Variants in PCNX4 observed in about 807,000 individuals in gnomAD.
PCNX4 encodes pecanex 4, also known as pecanex-like protein 4.
PCNX4 carries 103 observed loss-of-function variants against 107.2 expected under a neutral mutation model. The observed-to-expected ratio is 0.96, with a 90% confidence interval of 0.82 to 1.13. The LOEUF (loss-of-function observed/expected upper bound fraction) is 1.13. Ranked by LOEUF, PCNX4 falls within the 50% of genes most tolerant of loss-of-function variation. The pLI is 0.00. For missense variants in PCNX4, 1,528 were observed against 1,379.4 expected (o/e 1.11, Z -1.71); for synonymous variants, 541 against 481.7 (o/e 1.12, Z -1.61).
Position 60,118,447 on chromosome 14 carries a change from G to A in PCNX4, c.1697G>A (p.Cys566Tyr), listed in dbSNP as rs998007163. ...CGTCGAAAAACAACTGCCACTTTAT[G>A]TATACTCAACATTGTCTTTTCTCCA... is the stretch of plus-strand genomic sequence containing the variant. ...KQRRKTTATL[C>Y]ILNIVFSPFV... The change falls in exon 7 of 11, where the codon TGT (cysteine) becomes TAT (tyrosine). Residue 566 changes from cysteine (C) to tyrosine (Y), a missense_variant. By Grantham distance (194) the Cys-to-Tyr change is radical. Transcript: ENST00000406854. The A allele has an allele frequency of 2.5e-6, 4 of 1,613,658 alleles. No individual in the cohort carries two copies. Among genetic ancestry groups the A allele is most frequent in the African/African-American group, 1.3e-5 (1 of 75,046 alleles).
chr14:60,122,093 C>T (rs1895966252), intron 8 of PCNX4, among the ~76,000 whole-genome samples: 7 of 152,134 alleles, frequency 4.6e-5, no homozygotes, highest in Admixed American at 3.9e-4. Context: ...ACGCCCAGTC[C>T]GACAAGAAAT....
chr14:60,120,666 C>T (rs925064406), intron 7 of PCNX4, among the ~76,000 whole-genome samples: 3 of 152,082 alleles, frequency 2.0e-5, no homozygotes, highest in South Asian at 2.1e-4. Flanking sequence ...AATGTATTTT[C>T]GACAGCAGTT....
chr14:60,122,061 C>T (rs73310167), intron 8 of PCNX4, among the ~76,000 whole-genome samples: 1,526 of 152,242 alleles, frequency 0.01, 22 homozygotes, highest in African/African-American at 0.035. Context: ...ATGTTTAACT[C>T]CTTTTTCACT....
chr14:60,139,038 G>A lies in PCNX4; in HGVS notation c.*4817G>A, dbSNP rs1896274424. The stretch of plus-strand genomic sequence containing the variant: ...ACTACAAAGCTAATACAGGGCTAAA[G>A]TGGAATAATAAGGCAAAAAGGTAGA... On this transcript the variant is annotated 3_prime_UTR_variant, in exon 11 of 11. Coordinates refer to ENST00000406854, the MANE Select transcript of PCNX4 (RefSeq NM_001330177.2). 6.6e-6 allele frequency: 1 copy of A among 152,004 alleles called. No homozygotes were observed. Among genetic ancestry groups the A allele is most frequent in the Non-Finnish European group, 1.5e-5 (1 of 67,938 alleles). 9.4% of individuals were successfully genotyped at this position (152,004 alleles called of 1,614,324 possible).
At chr14:60,110,534 C>T (rs551121557) in intron 2 of PCNX4, 2 of 167,226 alleles carry the variant, frequency 1.2e-5, no homozygotes, top group Admixed American at 6.5e-5. Context: ...TTTTGACTTC[C>T]TTGGGATCAT....
chr14:60,118,818 G>T (rs573850904), intron 7 of PCNX4, 126 bp downstream of exon 7: 2 of 1,053,302 alleles, frequency 1.9e-6, no homozygotes, highest in South Asian at 7.5e-5. Flanking sequence ...AATTTGATGT[G>T]TAGGCAGAAA....
chr14:60,130,374 C>T lies in PCNX4; in HGVS notation c.3268-3596C>T, dbSNP rs531969547. Among the ~76,000 whole-genome samples, 86 of 151,362 alleles carry T rather than the reference C, an allele frequency of 5.7e-4. 3 individuals carry two copies. In the Middle Eastern group the frequency reaches 0.021, roughly 37 times the overall value. On this transcript the variant is annotated intron_variant, in intron 10 of 10. Coordinates refer to ENST00000406854, the MANE Select transcript of PCNX4 (RefSeq NM_001330177.2). ...GATCATCTCGGTAGATATAAAAAAACTATTTAACAAAATCCCACACCCTTT... is the reference window on the plus strand; with the variant it reads ...GATCATCTCGGTAGATATAAAAAAATTATTTAACAAAATCCCACACCCTTT...
intron 10 of PCNX4, among the ~76,000 whole-genome samples, chr14:60,130,201 A>G (rs1896129531): frequency 2.0e-5 from 3 of 151,948 alleles, no homozygotes; most frequent in South Asian, 4.2e-4. Context: ...TTATCCATAC[A>G]TGGTGGTATG....
In PCNX4 at chr14:60,142,378, C is replaced by T. The variant is rs1421649123; in HGVS notation, c.*8157C>T. 1 of 152,158 alleles carries T rather than the reference C, an allele frequency of 6.6e-6. No individual in the cohort carries two copies. The allele number at this position is 152,158 out of a possible 1,614,324, so 9.4% of individuals were successfully genotyped here. On this transcript the variant is annotated 3_prime_UTR_variant, in exon 11 of 11. Coordinates refer to ENST00000406854, the MANE Select transcript of PCNX4 (RefSeq NM_001330177.2). This position sits in a 1 kb window ranked among gnomAD's most constrained non-coding sequence, Gnocchi z 4.7. Reference sequence around the variant, plus strand: ...CAGTAGTTGAGGAAACGAAAGCCGTCACTTCTGCTAACTCTTTTACCAACT... The same window carrying T: ...CAGTAGTTGAGGAAACGAAAGCCGTTACTTCTGCTAACTCTTTTACCAACT...
At chr14:60,127,505 G>T (rs539308599) in intron 10 of PCNX4, among the ~76,000 whole-genome samples, 1 of 152,324 alleles carries the variant, frequency 6.6e-6, no homozygotes, top group Admixed American at 6.5e-5. Flanking sequence ...TCACAGTTTG[G>T]CTGTACTCTA....
chr14:60,121,396 T>G, intron 8 of PCNX4, 97 bp downstream of exon 8: 1 of 1,275,604 alleles, frequency 7.8e-7, no homozygotes, highest in Non-Finnish European at 1.1e-6. Context: ...GAAAGAAGAA[T>G]ATCTTTTCAA....
intron 1 of PCNX4, among the ~76,000 whole-genome samples, chr14:60,106,235 G>A (rs1242733116): frequency 2.0e-5 from 3 of 152,042 alleles, no homozygotes; most frequent in Non-Finnish European, 4.4e-5. Flanking sequence ...CAAAATCCAA[G>A]GATGTTCAAG....
In PCNX4 at chr14:60,104,318, CAAAAAAAAAAAAAAA is replaced by C. The variant is rs200434027; in HGVS notation, c.-53-3253_-53-3239del. On this transcript the variant is annotated intron_variant, in intron 1 of 10. Coordinates refer to ENST00000406854, the MANE Select transcript of PCNX4 (RefSeq NM_001330177.2). ...TGGGTGACAGAGCAAGACTCCATCT[CAAAAAAAAAAAAAAA>C]AAAAAAAAAAAAAAGAGCTAAAATG... Among the ~76,000 whole-genome samples, 355 of 129,476 alleles carry C rather than the reference CAAAAAAAAAAAAAAA, an allele frequency of 2.7e-3. 2 individuals are homozygous for C. The highest frequency in any genetic ancestry group is 0.026 in the East Asian group (114 of 4,338). The allele number at this position is 129,476 out of a possible 152,430, so 84.9% of individuals were successfully genotyped here.
rs767931777 is a variant in PCNX4 at position 60,118,647 on chromosome 14, A to C, written c.1897A>C (p.Arg633=). 3.1e-6 allele frequency: 5 copies of C among 1,613,058 alleles called. No homozygotes were observed. The highest frequency in any genetic ancestry group is 3.4e-6 in the Non-Finnish European group (4 of 1,179,308). ...AGTGTACTACTACCAAATGGTGCCC[A>C]GGTTGACTGCTGTACTGCAGACTGC... ...DTVYYYQMVP[R]LTAVLQTAMA... The change falls in exon 7 of 11, where the codon AGG becomes CGG. Residue 633 remains arginine (R), a synonymous_variant. Coordinates refer to ENST00000406854, the MANE Select transcript of PCNX4 (RefSeq NM_001330177.2).
At chr14:60,103,160 G>T (rs1895565243) in intron 1 of PCNX4, among the ~76,000 whole-genome samples, 1 of 151,984 alleles carries the variant, frequency 6.6e-6, no homozygotes, top group Non-Finnish European at 1.5e-5. Flanking sequence ...CTCCTTAACT[G>T]GCATACCCTT....
Position 60,115,459 on chromosome 14 carries a change from T to TA in PCNX4, c.1356dup (p.Val453SerfsTer33). ...ATTGTCAGACGGATTTTGCTAACTT[T>TA]AGGTAGGAAGATAAAGTCTATTAAC... On this transcript the variant is annotated frameshift_variant and splice_region_variant, in exon 4 of 11. Transcript: ENST00000406854. LOFTEE classifies it high-confidence loss of function. The TA allele has an allele frequency of 1.3e-6, 2 of 1,520,754 alleles. No individual in the cohort carries two copies. The highest frequency in any genetic ancestry group is 1.8e-6 in the Non-Finnish European group (2 of 1,142,142). The allele number at this position is 1,520,754 out of a possible 1,614,324, so 94.2% of individuals were successfully genotyped here. A position where few individuals can be genotyped will look rare whatever the true frequency, so the allele number is the denominator to read the frequency against.
chr14:60,115,571 T>C, intron 4 of PCNX4, 110 bp downstream of exon 4: 1 of 1,394,068 alleles, frequency 7.2e-7, no homozygotes, highest in South Asian at 1.4e-5. Flanking sequence ...TACAAGTGTT[T>C]GTTCTTTTAT....
intron 2 of PCNX4, among the ~76,000 whole-genome samples, chr14:60,111,371 G>A (rs570894814): frequency 6.4e-4 from 97 of 152,234 alleles, no homozygotes; most frequent in Non-Finnish European, 1.0e-3. Flanking sequence ...GTAAGGGGAG[G>A]ATTAATCAAC....
In PCNX4 at chr14:60,092,245, C is replaced by T. The variant is rs948546191; in HGVS notation, c.-228C>T. 2.0e-5 allele frequency: 3 copies of T among 152,378 alleles called. No individual in the cohort carries two copies. The highest frequency in any genetic ancestry group is 3.9e-4 in the East Asian group (2 of 5,176). 9.4% of individuals were successfully genotyped at this position (152,378 alleles called of 1,614,324 possible). The stretch of plus-strand genomic sequence containing the variant: ...CGGAGTAGACGTTAGCCATGGAAAC[C>T]GAGAGCTGGCCCGGGCGGGGCCGCG... On this transcript the variant is annotated 5_prime_UTR_variant, in exon 1 of 11. Transcript: ENST00000406854.
Sources: gnomAD v4.1 joint callset for allele counts (sites outside exome capture counted in the v4.1 genomes callset) on GRCh38, gnomAD v4.1.1 for gene constraint, Gnocchi (gnomAD v3.1) non-coding constraint, MANE v1.5 for transcripts, NCBI Gene and HGNC (gene_info 2026-07-23, HGNC 2026-07-21) for gene names.